MALRD1: variants seen among roughly 807,000 people sequenced by gnomAD.
MALRD1 encodes the protein MAM and LDL-receptor class A domain-containing protein 1.
MALRD1 carries 247 observed loss-of-function variants against 242.1 expected under a neutral mutation model. That is an observed-to-expected ratio of 1.02 (90% CI 0.92 to 1.13). The LOEUF (loss-of-function observed/expected upper bound fraction) is 1.13, where lower values mean the gene tolerates loss of function less well. Among genes scored for constraint, MALRD1 ranks in the 50% most tolerant of loss-of-function variants. The pLI is 0.00. For synonymous variants in MALRD1, 995 were observed against 866.6 expected (o/e 1.15, Z -2.60); for missense variants, 2,989 against 2,533.1 (o/e 1.18, Z -3.86).
At chr10:19,658,832 C>G (rs564143083) in intron 36 of MALRD1, among the ~76,000 whole-genome samples, 1 of 152,270 alleles carries the variant, frequency 6.6e-6, no homozygotes, top group African/African-American at 2.4e-5. Flanking sequence ...CGCTCGGTCT[C>G]TCTTGATGGT....
chr10:19,513,136 TC>T (rs1423954355), intron 31 of MALRD1, among the ~76,000 whole-genome samples: 13 of 152,212 alleles, frequency 8.5e-5, no homozygotes, highest in African/African-American at 3.1e-4. Context: ...TAAAAGGTAA[TC>T]CCCAGTGTTG....
chr10:19,557,044 A>G (rs1835751829), intron 32 of MALRD1, among the ~76,000 whole-genome samples: 1 of 152,136 alleles, frequency 6.6e-6, no homozygotes, highest in African/African-American at 2.4e-5. Flanking sequence ...CTGATAACAA[A>G]TGAGTTTGAG....
At chr10:19,103,557 A>AAAAAAAAT (rs1554789177) in intron 4 of MALRD1, among the ~76,000 whole-genome samples, 1 of 146,222 alleles carries the variant, frequency 6.8e-6, no homozygotes, top group Non-Finnish European at 1.5e-5. Flanking sequence ...GTCTCAAAAA[A>AAAAAAAAT]AAAAAAAATA....
In MALRD1 at chr10:19,352,164, C is replaced by A; in HGVS notation, c.4308C>A (p.Phe1436Leu). ...EELSLFGDED[F>L]QLKFEGRVGK... ...TGTCACTGTTTGGTGATGAAGACTT[C>A]CAACTCAAATTTGAAGGTAGAGTTG... The change falls in exon 26 of 40, where the codon TTC becomes TTA. Residue 1436 changes from phenylalanine to leucine, a missense_variant. Transcript: ENST00000454679. The A allele has an allele frequency of 1.9e-6, 3 of 1,550,496 alleles. No individual in the cohort carries two copies. Among genetic ancestry groups the A allele is most frequent in the Non-Finnish European group, 2.6e-6 (3 of 1,146,926 alleles).
chr10:19,378,185 G>A lies in MALRD1; in HGVS notation c.4442-9343G>A, dbSNP rs543025982. 2.0e-5 allele frequency among the ~76,000 whole-genome samples: 3 copies of A among 152,188 alleles called. No individual in the cohort carries two copies. In the East Asian group the frequency reaches 5.8e-4, roughly 29 times the overall value. ...AAAGCTACCTCTCTATCTTGAACTA[G>A]AACCATACCAAAGCTTAAACAATAT... On this transcript the variant is annotated intron_variant, in intron 26 of 39. Coordinates refer to ENST00000454679, the MANE Select transcript of MALRD1 (RefSeq NM_001142308.3).
intron 28 of MALRD1, among the ~76,000 whole-genome samples, chr10:19,394,882 A>T (rs1846511627): frequency 6.6e-6 from 1 of 152,290 alleles, no homozygotes; most frequent in South Asian, 2.1e-4. Context: ...GTTTATTTTG[A>T]TATTGACAAG....
Position 19,327,621 on chromosome 10 carries a change from G to A in MALRD1, c.3635G>A (p.Gly1212Asp). 3 of 1,549,950 alleles carry A rather than the reference G, an allele frequency of 1.9e-6. No homozygotes were observed. The highest frequency in any genetic ancestry group is 2.4e-5 in the East Asian group (1 of 40,910). Residue 1212 changes from glycine to aspartate, a missense_variant, in exon 23 of 40, where the codon GGT becomes GAT. Transcript: ENST00000454679. The stretch of plus-strand genomic sequence containing the variant: ...TTGTGGGCTCAAACTGGACAGCAAG[G>A]TGCACAGTGGAAGAGAGCAGAAGTG... ...SKLWAQTGQQ[G>D]AQWKRAEVFL...
intron 30 of MALRD1, among the ~76,000 whole-genome samples, chr10:19,494,760 A>C (rs2131231421): frequency 6.6e-6 from 1 of 152,300 alleles, no homozygotes; most frequent in Non-Finnish European, 1.5e-5. Flanking sequence ...AAATTCTCTC[A>C]GAAATATGGG....
chr10:19,067,245 C>T (rs1001890233), intron 2 of MALRD1, among the ~76,000 whole-genome samples: 1 of 152,094 alleles, frequency 6.6e-6, no homozygotes, highest in Non-Finnish European at 1.5e-5. Flanking sequence ...GGACTGATTT[C>T]AGCTCTGTCT....
At chr10:19,342,067 T>G (rs1843907460) in intron 24 of MALRD1, among the ~76,000 whole-genome samples, 1 of 152,158 alleles carries the variant, frequency 6.6e-6, no homozygotes, top group Admixed American at 6.6e-5. Context: ...TTTGAAGGTA[T>G]AATTGTTACT....
At chr10:19,450,537 A>T (rs1835266602) in intron 29 of MALRD1, 47 bp downstream of exon 29, 1 of 1,458,170 alleles carries the variant, frequency 6.9e-7, no homozygotes, top group African/African-American at 1.4e-5. Flanking sequence ...TTTTTAATCT[A>T]GCCATTTTAT....
chr10:19,131,715 A>C (rs1403983733), intron 8 of MALRD1, among the ~76,000 whole-genome samples: 1 of 152,186 alleles, frequency 6.6e-6, no homozygotes. Context: ...TGGCATCTCT[A>C]AGAGATAGAG....
At chr10:19,065,441 T>C (rs140824547) in intron 1 of MALRD1, among the ~76,000 whole-genome samples, 1 of 152,252 alleles carries the variant, frequency 6.6e-6, no homozygotes, top group African/African-American at 2.4e-5. Context: ...CTTATGCTAA[T>C]GATCAATGAG....
At chr10:19,717,429 A>G (rs981673771) in intron 38 of MALRD1, among the ~76,000 whole-genome samples, 1 of 152,206 alleles carries the variant, frequency 6.6e-6, no homozygotes, top group Non-Finnish European at 1.5e-5. Context: ...ATTTGGCACC[A>G]TGGCTTTAAC....
chr10:19,078,280 C>T (rs542983400), intron 2 of MALRD1, among the ~76,000 whole-genome samples: 2 of 151,854 alleles, frequency 1.3e-5, no homozygotes, highest in South Asian at 2.1e-4. Flanking sequence ...AGTGTTAAGA[C>T]TTTGTCATAT....
intron 18 of MALRD1, among the ~76,000 whole-genome samples, chr10:19,240,947 C>T (rs1301706718): frequency 1.3e-5 from 2 of 152,014 alleles, no homozygotes; most frequent in Non-Finnish European, 2.9e-5. Flanking sequence ...TTTTAGTGTG[C>T]TGTCGAAGTC....
At chr10:19,348,737 G>A in intron 25 of MALRD1, among the ~76,000 whole-genome samples, 1 of 152,044 alleles carries the variant, frequency 6.6e-6, no homozygotes, top group East Asian at 1.9e-4. Flanking sequence ...AAAGACTTGA[G>A]TTAGCTAGGC....
At chr10:19,177,058 G>T (rs1319747735) in intron 14 of MALRD1, among the ~76,000 whole-genome samples, 1 of 151,840 alleles carries the variant, frequency 6.6e-6, no homozygotes, top group Non-Finnish European at 1.5e-5. Flanking sequence ...GGGCGGATCA[G>T]TTGAGGTCAG....
intron 36 of MALRD1, among the ~76,000 whole-genome samples, chr10:19,684,032 G>T (rs1218116491): frequency 6.6e-6 from 1 of 152,110 alleles, no homozygotes; most frequent in Non-Finnish European, 1.5e-5. Context: ...TGCAATGTTT[G>T]GTTTTCTGTT....
Sources: gnomAD v4.1 joint callset for allele counts (sites outside exome capture counted in the v4.1 genomes callset) on GRCh38, gnomAD v4.1.1 for gene constraint, MANE v1.5 for transcripts, NCBI Gene and HGNC (gene_info 2026-07-23, HGNC 2026-07-21) for gene names.